Variants in LMNTD1 observed in about 807,000 individuals in gnomAD.
LMNTD1 encodes the protein lamin tail domain-containing protein 1.
A neutral mutation model predicts 50.9 loss-of-function variants in LMNTD1; 35 were observed. That is an observed-to-expected ratio of 0.69 (90% CI 0.53 to 0.91). The LOEUF is 0.91. Among genes scored for constraint, LMNTD1 ranks in the 40% least tolerant of loss-of-function variants. LMNTD1 has a pLI of 0.00. For synonymous variants in LMNTD1, 153 were observed against 161.9 expected, an observed-to-expected ratio of 0.94 and a Z score of 0.42; for missense variants, 470 against 475.5, an observed-to-expected ratio of 0.99 and a Z score of 0.11.
upstream of LMNTD1, among the ~76,000 whole-genome samples, chr12:25,554,503 C>T (rs1392313422): frequency 1.3e-5 from 2 of 152,136 alleles, no homozygotes; most frequent in Non-Finnish European, 2.9e-5. Flanking sequence ...TGTATATATG[C>T]AATGAAAACC....
In LMNTD1 at chr12:25,527,251, A is replaced by G. The variant is rs578195464; in HGVS notation, c.492-296T>C. Among the ~76,000 whole-genome samples the G allele has an allele frequency of 2.6e-5, 4 of 152,108 alleles. No homozygotes were observed. In the South Asian group the frequency reaches 8.3e-4, roughly 32 times the overall value. ...AGGAAGTTGAGAATTATAATAGTTTAAATTTCCTACTGTTCAAGATAAAAT... is the reference window on the plus strand; with the variant it reads ...AGGAAGTTGAGAATTATAATAGTTTGAATTTCCTACTGTTCAAGATAAAAT... On this transcript the variant is annotated intron_variant, in intron 4 of 9. Transcript: ENST00000458174.
intron 1 of LMNTD1, among the ~76,000 whole-genome samples, chr12:25,627,109 G>A (rs1486944782): frequency 6.6e-6 from 1 of 152,160 alleles, no homozygotes. Context: ...TACCACAAAG[G>A]TAATTGTACA....
At chr12:25,567,733 A>G (rs909631773) in intron 1 of LMNTD1, among the ~76,000 whole-genome samples, 13 of 152,122 alleles carry the variant, frequency 8.5e-5, no homozygotes, top group African/African-American at 2.4e-4. Flanking sequence ...CTGACTCTGC[A>G]TCACCTTCCA....
chr12:25,580,281 T>C (rs1945227031), intron 1 of LMNTD1, among the ~76,000 whole-genome samples: 1 of 152,206 alleles, frequency 6.6e-6, no homozygotes, highest in Admixed American at 6.5e-5. Flanking sequence ...TTTTCATGTA[T>C]CTCTATTTCA....
At chr12:25,512,524 T>G (rs1017358012) in intron 8 of LMNTD1, among the ~76,000 whole-genome samples, 2 of 151,758 alleles carry the variant, frequency 1.3e-5, no homozygotes, top group African/African-American at 4.8e-5. Context: ...TTTTATAACA[T>G]TAAAAAAAGA....
intron 1 of LMNTD1, among the ~76,000 whole-genome samples, chr12:25,567,153 A>G (rs1446535441): frequency 1.3e-5 from 2 of 152,236 alleles, no homozygotes; most frequent in Non-Finnish European, 1.5e-5. Flanking sequence ...TCTGAGATAG[A>G]ATAAGAAAAT....
intron 5 of LMNTD1, 46 bp downstream of exon 5, chr12:25,526,723 T>C: frequency 7.7e-7 from 1 of 1,306,268 alleles, no homozygotes; most frequent in Non-Finnish European, 1.1e-6. Flanking sequence ...TCAACAAGTT[T>C]GTCCTGTACA....
At chr12:25,627,572 A>C (rs1258706851) in intron 1 of LMNTD1, among the ~76,000 whole-genome samples, 3 of 152,130 alleles carry the variant, frequency 2.0e-5, no homozygotes, top group Non-Finnish European at 4.4e-5. Context: ...ATTTTGGGAG[A>C]GAGATCCTCA....
intron 1 of LMNTD1, among the ~76,000 whole-genome samples, chr12:25,644,033 G>C (rs1240156171): frequency 1.3e-5 from 2 of 152,294 alleles, no homozygotes; most frequent in East Asian, 1.9e-4. Context: ...AAAGCCAAGA[G>C]AGAAAAGTTT....
At chr12:25,620,219 T>C (rs1946441411) in intron 1 of LMNTD1, among the ~76,000 whole-genome samples, 3 of 152,164 alleles carry the variant, frequency 2.0e-5, no homozygotes, top group Admixed American at 2.0e-4. Flanking sequence ...ACACCATCAG[T>C]GATTCCCCAT....
In LMNTD1 at chr12:25,480,733, A is replaced by C. The variant is rs557648005; in HGVS notation, c.*23-4273T>G. 5.9e-5 allele frequency among the ~76,000 whole-genome samples: 9 copies of C among 152,292 alleles called. No homozygotes were observed. The Middle Eastern group carries it at 0.027, about 460-fold the overall frequency. On this transcript the variant is annotated intron_variant, in intron 9 of 9. Coordinates refer to ENST00000458174, the MANE Select transcript of LMNTD1 (RefSeq NM_001145728.2). ...TTCTAACAAGGCACTACCTTGTATT[A>C]ATATTACTATATTTTCAGATGCATA...
intron 1 of LMNTD1, among the ~76,000 whole-genome samples, chr12:25,604,475 T>C (rs113243565): frequency 6.6e-6 from 1 of 152,056 alleles, no homozygotes; most frequent in Non-Finnish European, 1.5e-5. Context: ...ATTAGGTATA[T>C]CTCCTAATGC....
At chr12:25,552,581 G>GAAAAAAAAAAAAAAA (rs55848800) in intron 2 of LMNTD1, among the ~76,000 whole-genome samples, 2 of 58,152 alleles carry the variant, frequency 3.4e-5, no homozygotes, top group Non-Finnish European at 6.5e-5. Context: ...CACTCTGTCT[G>GAAAAAAAAAAAAAAA]AAAAAAAAAA....
intron 1 of LMNTD1, among the ~76,000 whole-genome samples, chr12:25,581,612 G>C (rs951053061): frequency 2.6e-5 from 4 of 152,162 alleles, no homozygotes; most frequent in Non-Finnish European, 4.4e-5. Context: ...ATATTATAAA[G>C]AGTTAAATCT....
rs183613367 is a variant in LMNTD1 at position 25,482,533 on chromosome 12, G to C, written c.*23-6073C>G. ...GAATTGGGGATGTCTCTTTTCCTTTGAACAAAATCAGCTAAATTTTGAATA... is the reference window on the plus strand; with the variant it reads ...GAATTGGGGATGTCTCTTTTCCTTTCAACAAAATCAGCTAAATTTTGAATA... On this transcript the variant is annotated intron_variant, in intron 9 of 9. Transcript: ENST00000458174. Among the ~76,000 whole-genome samples, 40 of 152,048 alleles carry C rather than the reference G, an allele frequency of 2.6e-4. No homozygotes were observed. The East Asian group carries it at 7.5e-3, about 29-fold the overall frequency.
At chr12:25,515,978 T>C (rs981958582) in intron 8 of LMNTD1, among the ~76,000 whole-genome samples, 1 of 152,040 alleles carries the variant, frequency 6.6e-6, no homozygotes, top group African/African-American at 2.4e-5. Flanking sequence ...GTGCTAATGG[T>C]GGCAAATTTT....
intron 1 of LMNTD1, among the ~76,000 whole-genome samples, chr12:25,601,047 C>T (rs978426224): frequency 1.3e-5 from 2 of 151,914 alleles, no homozygotes; most frequent in Admixed American, 6.6e-5. Flanking sequence ...TGGAAGCAAC[C>T]TAAGTATCCA....
intron 9 of LMNTD1, among the ~76,000 whole-genome samples, chr12:25,488,018 G>A (rs1246773949): frequency 1.3e-5 from 2 of 148,732 alleles, no homozygotes; most frequent in Admixed American, 1.4e-4. Context: ...AGTCTGATGG[G>A]CTTCCCTTTG....
chr12:25,592,166 T>A (rs73078346), intron 1 of LMNTD1, among the ~76,000 whole-genome samples: 95 of 152,200 alleles, frequency 6.2e-4, no homozygotes, highest in Non-Finnish European at 1.0e-3. Flanking sequence ...AGGATCAACA[T>A]CATGCAGAAA....
Sources: gnomAD v4.1 joint callset for allele counts (sites outside exome capture counted in the v4.1 genomes callset) on GRCh38, gnomAD v4.1.1 for gene constraint, MANE v1.5 for transcripts, NCBI Gene and HGNC (gene_info 2026-07-23, HGNC 2026-07-21) for gene names.